Variants in CSMD3 observed in about 807,000 individuals in gnomAD.
CSMD3 encodes CUB and Sushi multiple domains 3, also known as CUB and sushi domain-containing protein 3.
Under a neutral mutation model 435.2 loss-of-function variants are expected in CSMD3, and 177 were observed. That is an observed-to-expected ratio of 0.41 (90% confidence interval 0.36 to 0.46). The LOEUF (loss-of-function observed/expected upper bound fraction) is 0.46. Ranked by LOEUF, CSMD3 falls within the 20% of genes least tolerant of loss-of-function variation. CSMD3 has a pLI of 0.34. For synonymous variants in CSMD3, 1,656 were observed against 1,520.5 expected, an observed-to-expected ratio of 1.09 and a Z score of -2.07; for missense variants, 4,265 against 4,504.6, an observed-to-expected ratio of 0.95 and a Z score of 1.52.
intron 51 of CSMD3, 26 bp downstream of exon 51, chr8:112,305,981 T>A (rs2130785779): frequency 6.3e-7 from 1 of 1,584,102 alleles, no homozygotes; most frequent in Non-Finnish European, 8.7e-7. Flanking sequence ...GAAAAACAAG[T>A]GATGAAATTC....
In CSMD3 at chr8:112,649,051, A is replaced by G. The variant is rs1194865587; in HGVS notation, c.3193+1110T>C. Among the ~76,000 whole-genome samples, 3 of 152,228 alleles carry G rather than the reference A, an allele frequency of 2.0e-5. No homozygotes were observed. The East Asian group carries it at 5.8e-4, about 29-fold the overall frequency. On this transcript the variant is annotated intron_variant, in intron 19 of 70. Coordinates refer to ENST00000297405, the MANE Select transcript of CSMD3 (RefSeq NM_198123.2). Reference sequence around the variant, plus strand: ...GGCTATCAACTTCCATCTGCCTGAGAGTGTATACACTACTGTCAATTCCTC... The same window carrying G: ...GGCTATCAACTTCCATCTGCCTGAGGGTGTATACACTACTGTCAATTCCTC...
rs191049190 is a variant in CSMD3 at position 112,809,823 on chromosome 8, A to G, written c.1860-9549T>C. On this transcript the variant is annotated intron_variant, in intron 12 of 70. Coordinates refer to ENST00000297405, the MANE Select transcript of CSMD3 (RefSeq NM_198123.2). Reference sequence around the variant, plus strand: ...ACTTGCAATTATAAATCCATTCTCTACCCCTTTGGATGTAAATATTCAACA... The same window carrying G: ...ACTTGCAATTATAAATCCATTCTCTGCCCCTTTGGATGTAAATATTCAACA... Among the ~76,000 whole-genome samples, 355 of 152,066 alleles carry G rather than the reference A, an allele frequency of 2.3e-3. 1 individual carries two copies. The highest frequency in any genetic ancestry group is 8.2e-3 in the African/African-American group (339 of 41,504).
intron 63 of CSMD3, among the ~76,000 whole-genome samples, chr8:112,249,472 C>T (rs565756769): frequency 3.9e-5 from 6 of 152,008 alleles, no homozygotes; most frequent in South Asian, 2.1e-4. Flanking sequence ...GCCGGTTAGG[C>T]GCTACACTTT....
chr8:113,165,921 T>C (rs550101264), intron 4 of CSMD3, among the ~76,000 whole-genome samples: 73 of 152,146 alleles, frequency 4.8e-4, no homozygotes, highest in African/African-American at 1.7e-3. Context: ...ACTGTTGCCA[T>C]GGTGGGGTCA....
chr8:112,520,852 TTA>T (rs1335081749), intron 27 of CSMD3, among the ~76,000 whole-genome samples: 3 of 151,950 alleles, frequency 2.0e-5, no homozygotes, highest in Non-Finnish European at 4.4e-5. Context: ...ATTTCCTTCT[TTA>T]TAATTTTTTG....
chr8:113,031,140 A>G (rs1358882706), intron 5 of CSMD3, among the ~76,000 whole-genome samples: 1 of 151,696 alleles, frequency 6.6e-6, no homozygotes, highest in Non-Finnish European at 1.5e-5. Flanking sequence ...TGTACTATTG[A>G]GTACTCATTA....
intron 9 of CSMD3, among the ~76,000 whole-genome samples, chr8:112,944,721 C>G (rs1181818131): frequency 6.6e-6 from 1 of 151,086 alleles, no homozygotes; most frequent in Non-Finnish European, 1.5e-5. Flanking sequence ...TTCAACAGTC[C>G]CTGCTTGCCC....
chr8:112,734,527 C>T (rs1432625676), intron 13 of CSMD3, among the ~76,000 whole-genome samples: 1 of 151,800 alleles, frequency 6.6e-6, no homozygotes, highest in Non-Finnish European at 1.5e-5. Context: ...TTTTGTGAGA[C>T]TTTTGTCTCA....
At chr8:113,042,144 T>G (rs1298033877) in intron 5 of CSMD3, among the ~76,000 whole-genome samples, 1 of 152,190 alleles carries the variant, frequency 6.6e-6, no homozygotes, top group Non-Finnish European at 1.5e-5. Flanking sequence ...TTTTGTAAAT[T>G]TTTATGTCCA....
At chr8:112,780,888 G>A (rs933271772) in intron 13 of CSMD3, among the ~76,000 whole-genome samples, 1 of 152,050 alleles carries the variant, frequency 6.6e-6, no homozygotes, top group African/African-American at 2.4e-5. Context: ...AGCAGTCTAA[G>A]CCATGAGGAC....
intron 3 of CSMD3, among the ~76,000 whole-genome samples, chr8:113,188,281 T>C (rs966972782): frequency 1.3e-5 from 2 of 152,046 alleles, no homozygotes; most frequent in Non-Finnish European, 2.9e-5. Flanking sequence ...TATTATACTT[T>C]TAATGCGCAT....
At chr8:112,403,431 A>T (rs563237473) in intron 35 of CSMD3, among the ~76,000 whole-genome samples, 1 of 152,302 alleles carries the variant, frequency 6.6e-6, no homozygotes, top group Admixed American at 6.5e-5. Context: ...GCTCTTTTAG[A>T]CAATTCAGGC....
chr8:112,545,633 T>C (rs1586652209), intron 27 of CSMD3, among the ~76,000 whole-genome samples: 3 of 152,098 alleles, frequency 2.0e-5, no homozygotes, highest in Middle Eastern at 3.4e-3. Flanking sequence ...GAAAGGTAAG[T>C]GTTAATCACC....
intron 5 of CSMD3, among the ~76,000 whole-genome samples, chr8:113,022,879 C>T (rs16884289): frequency 0.054 from 8,054 of 148,854 alleles, 334 homozygotes; most frequent in Non-Finnish European, 0.085. Context: ...TTAATCTTTG[C>T]AAAAAATTTT....
At chr8:113,076,453 T>G (rs1414499312) in intron 5 of CSMD3, among the ~76,000 whole-genome samples, 1 of 151,982 alleles carries the variant, frequency 6.6e-6, no homozygotes, top group Non-Finnish European at 1.5e-5. Flanking sequence ...TAAAAAGTCC[T>G]TCAGTTAGAG....
At chr8:112,408,622 T>A (rs1376737475) in intron 33 of CSMD3, among the ~76,000 whole-genome samples, 1 of 152,068 alleles carries the variant, frequency 6.6e-6, no homozygotes. Context: ...TACATTTTTA[T>A]ACATATTGCC....
chr8:112,698,671 A>T (rs2076313416), intron 13 of CSMD3, among the ~76,000 whole-genome samples: 1 of 152,172 alleles, frequency 6.6e-6, no homozygotes, highest in Admixed American at 6.6e-5. Context: ...TTTAACCATC[A>T]AACAAAGATA....
intron 42 of CSMD3, among the ~76,000 whole-genome samples, chr8:112,337,987 C>T (rs1586810126): frequency 6.6e-6 from 1 of 152,254 alleles, no homozygotes; most frequent in East Asian, 1.9e-4. Context: ...TGCAACCCAA[C>T]TAAATTATGT....
intron 61 of CSMD3, among the ~76,000 whole-genome samples, chr8:112,257,576 G>C (rs1010299147): frequency 3.3e-5 from 5 of 152,166 alleles, no homozygotes; most frequent in Non-Finnish European, 7.4e-5. Flanking sequence ...ACTTACAAGG[G>C]ATGTGAAGGA....
Sources: allele counts gnomAD v4.1 joint callset (sites outside exome capture counted in the v4.1 genomes callset), GRCh38; gene constraint gnomAD v4.1.1; transcripts MANE v1.5; gene names NCBI Gene and HGNC (gene_info 2026-07-23, HGNC 2026-07-21).